WWOX: variants seen among roughly 807,000 people sequenced by gnomAD.
The protein encoded by WWOX is WW domain containing oxidoreductase.
A neutral mutation model predicts 46.2 loss-of-function variants in WWOX; 69 were observed. The observed-to-expected ratio is 1.49, with a 90% CI of 1.23 to 1.82. The LOEUF (loss-of-function observed/expected upper bound fraction) is 1.82, where lower values mean the gene tolerates loss of function less well. Ranked by LOEUF, WWOX falls within the 40% of genes most tolerant of loss-of-function variation. WWOX has a pLI of 0.00. For missense variants in WWOX, 919 were observed against 542.6 expected (o/e 1.69, Z -6.89); for synonymous variants, 359 against 202.6 (o/e 1.77, Z -6.56).
At chr16:78,104,676 ATAGGAGAATGCT>A (rs1192943517) in intron 1 of WWOX, among the ~76,000 whole-genome samples, 1 of 152,230 alleles carries the variant, frequency 6.6e-6, no homozygotes, top group Non-Finnish European at 1.5e-5. Context: ...TTAAAGGAGA[ATAGGAGAATGCT>A]TAGGGGACAT....
chr16:79,006,667 C>A (rs573349555), intron 8 of WWOX, among the ~76,000 whole-genome samples: 1 of 152,152 alleles, frequency 6.6e-6, no homozygotes, highest in Non-Finnish European at 1.5e-5. Flanking sequence ...AGGTCTCACT[C>A]GGCTAAGATC....
At chr16:78,868,393 C>T (rs1166300387) in intron 8 of WWOX, among the ~76,000 whole-genome samples, 1 of 151,672 alleles carries the variant, frequency 6.6e-6, no homozygotes, top group South Asian at 2.1e-4. Context: ...AGGGGATTAC[C>T]TGGAAAGGGT....
At chr16:79,207,245 C>G (rs918878414) in intron 8 of WWOX, among the ~76,000 whole-genome samples, 2 of 152,208 alleles carry the variant, frequency 1.3e-5, no homozygotes, top group African/African-American at 4.8e-5. Context: ...GATAAGGTGG[C>G]TGGCTTTGCA....
intron 5 of WWOX, among the ~76,000 whole-genome samples, chr16:78,331,862 A>C (rs549464568): frequency 5.9e-4 from 90 of 152,152 alleles, no homozygotes; most frequent in African/African-American, 2.0e-3. Flanking sequence ...TGTCTGTTCA[A>C]ATTATTCCCC....
chr16:78,556,458 C>G (rs1399656128), intron 8 of WWOX, among the ~76,000 whole-genome samples: 1 of 152,044 alleles, frequency 6.6e-6, no homozygotes, highest in South Asian at 2.1e-4. Context: ...TGATGGAGCA[C>G]CCTGTTCCCA....
At chr16:78,737,490 A>G (rs900319381) in intron 8 of WWOX, among the ~76,000 whole-genome samples, 28 of 151,976 alleles carry the variant, frequency 1.8e-4, no homozygotes, top group Non-Finnish European at 1.3e-4. Flanking sequence ...GGTTACATGA[A>G]TAAGTTCTTT....
chr16:79,129,876 G>A (rs1048091250), intron 8 of WWOX, among the ~76,000 whole-genome samples: 4 of 152,192 alleles, frequency 2.6e-5, no homozygotes, highest in Non-Finnish European at 4.4e-5. Flanking sequence ...CAGGGGTCAG[G>A]CTCCCTGGAG....
At chr16:78,789,934 C>T (rs1458585408) in intron 8 of WWOX, among the ~76,000 whole-genome samples, 1 of 152,168 alleles carries the variant, frequency 6.6e-6, no homozygotes, top group African/African-American at 2.4e-5. Flanking sequence ...CTTATTGTGT[C>T]ACTTTGGACA....
intron 8 of WWOX, among the ~76,000 whole-genome samples, chr16:78,909,245 G>A (rs901231497): frequency 6.6e-6 from 1 of 152,132 alleles, no homozygotes; most frequent in Non-Finnish European, 1.5e-5. Context: ...CTTGTGCCAC[G>A]TGATTATTTT....
chr16:78,195,952 G>A (rs184238086), intron 5 of WWOX, among the ~76,000 whole-genome samples: 1 of 152,196 alleles, frequency 6.6e-6, no homozygotes, highest in Non-Finnish European at 1.5e-5. Flanking sequence ...GAGCCCGGGA[G>A]TGCAAGATGT....
At chr16:78,181,208 G>GGA (rs145582957) in intron 5 of WWOX, among the ~76,000 whole-genome samples, 6 of 151,440 alleles carry the variant, frequency 4.0e-5, no homozygotes, top group South Asian at 2.1e-4. Context: ...AGAGACAGAA[G>GGA]GAGAGAGAGA....
At chr16:78,846,894 T>C (rs2052312929) in intron 8 of WWOX, among the ~76,000 whole-genome samples, 1 of 152,248 alleles carries the variant, frequency 6.6e-6, no homozygotes, top group African/African-American at 2.4e-5. Context: ...CTGTTTCTTC[T>C]TCTCCATTTA....
chr16:78,530,709 C>T (rs2043601508), intron 8 of WWOX, among the ~76,000 whole-genome samples: 1 of 152,302 alleles, frequency 6.6e-6, no homozygotes, highest in East Asian at 1.9e-4. Context: ...CGGACCTGCC[C>T]TCTTCTGCCC....
At chr16:79,186,345 C>G (rs1436020067) in intron 8 of WWOX, among the ~76,000 whole-genome samples, 1 of 152,224 alleles carries the variant, frequency 6.6e-6, no homozygotes, top group Non-Finnish European at 1.5e-5. Context: ...TGCTCCTTCT[C>G]TAGAGAACTC....
Position 78,352,020 on chromosome 16 carries a change from TTGA to T in WWOX, c.517-34835_517-34833del, listed in dbSNP as rs1287651656. ...ACACTCAAATGTTTGGTGGGAGCAG[TTGA>T]TGATCCAGAGCTTTGGAGTCAGCGA... is the stretch of plus-strand genomic sequence containing the variant. On this transcript the variant is annotated intron_variant, in intron 5 of 8. Transcript: ENST00000566780. 2.0e-5 allele frequency among the ~76,000 whole-genome samples: 3 copies of T among 152,142 alleles called. No homozygotes were observed. The East Asian group carries it at 5.8e-4, about 29-fold the overall frequency.
At chr16:78,235,643 A>G (rs1398455156) in intron 5 of WWOX, among the ~76,000 whole-genome samples, 1 of 152,128 alleles carries the variant, frequency 6.6e-6, no homozygotes, top group Non-Finnish European at 1.5e-5. Flanking sequence ...TCTAACTCTC[A>G]AAAGGATGCA....
chr16:78,353,183 T>G (rs992792897), intron 5 of WWOX, among the ~76,000 whole-genome samples: 1 of 152,196 alleles, frequency 6.6e-6, no homozygotes, highest in Non-Finnish European at 1.5e-5. Flanking sequence ...AACACCTATC[T>G]TAGCAACTCT....
chr16:78,541,253 T>TC (rs2043885466), intron 8 of WWOX, among the ~76,000 whole-genome samples: 1 of 151,268 alleles, frequency 6.6e-6, no homozygotes, highest in Non-Finnish European at 1.5e-5. Context: ...GGCGGGCGGA[T>TC]CACGAGGTCA....
intron 8 of WWOX, among the ~76,000 whole-genome samples, chr16:78,521,564 C>G (rs2151499043): frequency 6.6e-6 from 1 of 152,230 alleles, no homozygotes. Flanking sequence ...ACTTATATTA[C>G]AGGGTTGTCA....
Sources: gnomAD v4.1 joint callset for allele counts (sites outside exome capture counted in the v4.1 genomes callset) on GRCh38, gnomAD v4.1.1 for gene constraint, MANE v1.5 for transcripts, NCBI Gene and HGNC (gene_info 2026-07-23, HGNC 2026-07-21) for gene names.